Variants in LAMC3 observed in about 807,000 individuals in gnomAD.
The protein encoded by LAMC3 is laminin subunit gamma 3, also known as laminin subunit gamma-3.
LAMC3 carries 128 observed loss-of-function variants against 173.8 expected under a neutral mutation model. That is an observed-to-expected ratio of 0.74 (90% CI 0.64 to 0.85). The LOEUF is 0.85. Among genes scored for constraint, LAMC3 ranks in the 40% least tolerant of loss-of-function variants. The pLI, the probability that LAMC3 is intolerant of heterozygous loss-of-function variation, is 0.00. For missense variants in LAMC3, 2,022 were observed against 2,156.0 expected, an observed-to-expected ratio of 0.94 and a Z score of 1.23; for synonymous variants, 897 against 909.1, an observed-to-expected ratio of 0.99 and a Z score of 0.24.
chr9:131,048,098 C>T (rs111358354), intron 8 of LAMC3, among the ~76,000 whole-genome samples: 21 of 136,480 alleles, frequency 1.5e-4, no homozygotes, highest in African/African-American at 5.2e-4. Flanking sequence ...GCTCTGTCAC[C>T]CAGGCTGGAG....
At chr9:131,034,211 C>T (rs542824229) in intron 3 of LAMC3, among the ~76,000 whole-genome samples, 19 of 152,296 alleles carry the variant, frequency 1.2e-4, no homozygotes, top group African/African-American at 4.6e-4. Context: ...TGGAGTCTCA[C>T]TCTCCTTTCC....
At chr9:131,079,069 C>T in intron 22 of LAMC3, 80 bp from the exon 23 acceptor site, 4 of 1,548,744 alleles carry the variant, frequency 2.6e-6, no homozygotes, top group Non-Finnish European at 3.5e-6. Flanking sequence ...CTCAGCCCAG[C>T]AGGGCACCTC....
rs1422573206 is a variant in LAMC3 at position 131,091,845 on chromosome 9, G to T, written c.*58G>T. The stretch of plus-strand genomic sequence containing the variant: ...ACCTGCTGTTTACATGACCCAGGGG[G>T]TGCACACTACCCCACAGGTGTGCCC... On this transcript the variant is annotated 3_prime_UTR_variant, in exon 28 of 28. Coordinates refer to ENST00000361069, the MANE Select transcript of LAMC3 (RefSeq NM_006059.4). 1 of 1,597,602 alleles carries T rather than the reference G, an allele frequency of 6.3e-7. No individual in the cohort carries two copies. The highest frequency in any genetic ancestry group is 1.1e-5 in the South Asian group (1 of 90,302).
At chr9:131,076,962 A>G (rs1311532978) in intron 21 of LAMC3, among the ~76,000 whole-genome samples, 3 of 152,264 alleles carry the variant, frequency 2.0e-5, no homozygotes, top group Admixed American at 1.3e-4. Flanking sequence ...GCTGAGCTGA[A>G]TGATGCAGAA....
chr9:131,073,071 A>C (rs563817176), intron 19 of LAMC3, among the ~76,000 whole-genome samples, 174 bp from the exon 20 acceptor site: 1 of 152,192 alleles, frequency 6.6e-6, no homozygotes, highest in East Asian at 1.9e-4. Flanking sequence ...CTGCATCCTT[A>C]TTGGTGTTTC....
intron 14 of LAMC3, 102 bp downstream of exon 14, chr9:131,067,307 C>G (rs1281375026): frequency 1.4e-6 from 2 of 1,472,846 alleles, no homozygotes; most frequent in South Asian, 1.1e-5. Context: ...CCACCAGAAC[C>G]AGCTGGCTCC....
chr9:131,012,551 G>A (rs869937), intron 1 of LAMC3, among the ~76,000 whole-genome samples: 41,424 of 152,258 alleles, frequency 0.27, 6,600 homozygotes, highest in East Asian at 0.63. Context: ...CTCTGTTTAC[G>A]CACAAGGGGC....
intron 8 of LAMC3, among the ~76,000 whole-genome samples, chr9:131,047,897 ATTATTTTTAT>A (rs1432861880): frequency 4.1e-5 from 6 of 145,758 alleles, no homozygotes; most frequent in Non-Finnish European, 6.0e-5. Flanking sequence ...TTAAATTTTT[ATTATTTTTAT>A]TTATTTTTAT....
At chr9:131,030,674 G>T (rs1195963031) in intron 2 of LAMC3, among the ~76,000 whole-genome samples, 1 of 152,222 alleles carries the variant, frequency 6.6e-6, no homozygotes. Flanking sequence ...TACAATATGT[G>T]TCAGTAGCCG....
intron 12 of LAMC3, among the ~76,000 whole-genome samples, chr9:131,057,578 G>A (rs371835027): frequency 3.3e-5 from 5 of 152,218 alleles, no homozygotes; most frequent in African/African-American, 1.2e-4. Flanking sequence ...TCACACAGGT[G>A]ACAGCAGCTC....
At chr9:131,061,919 C>T (rs1436531659) in intron 13 of LAMC3, among the ~76,000 whole-genome samples, 1 of 151,984 alleles carries the variant, frequency 6.6e-6, no homozygotes, top group East Asian at 1.9e-4. Flanking sequence ...GGTGTGGTGG[C>T]ATGCACCTGT....
chr9:131,025,446 A>G (rs1450298434), intron 1 of LAMC3, among the ~76,000 whole-genome samples: 1 of 152,054 alleles, frequency 6.6e-6, no homozygotes, highest in African/African-American at 2.4e-5. Flanking sequence ...AAGCCTGCAG[A>G]TCCTCCAGCT....
chr9:131,023,397 C>T (rs764551683), intron 1 of LAMC3, among the ~76,000 whole-genome samples: 3 of 152,162 alleles, frequency 2.0e-5, no homozygotes, highest in Non-Finnish European at 4.4e-5. Context: ...TTCCCATCAG[C>T]AGTCTATGAG....
Position 131,077,143 on chromosome 9 carries a change from G to A in LAMC3, c.3630-44G>A, listed in dbSNP as rs374105866. 83 of 1,610,100 alleles carry A rather than the reference G, an allele frequency of 5.2e-5. No homozygotes were observed. In the African/African-American group the frequency reaches 8.1e-4, roughly 16 times the overall value. On this transcript the variant is annotated intron_variant, in intron 21 of 27. Transcript: ENST00000361069. ...CCTGGGGCCCAGACAGGGATGGGGA[G>A]GGCTAGTTCTGCACCCAGCTCCGTG... is the stretch of plus-strand genomic sequence containing the variant.
intron 9 of LAMC3, among the ~76,000 whole-genome samples, chr9:131,050,674 A>G (rs1271059683): frequency 1.3e-5 from 2 of 152,116 alleles, no homozygotes; most frequent in Non-Finnish European, 2.9e-5. Context: ...AGGCTGAGAC[A>G]GGAGAATTGC....
At chr9:131,079,047 C>A in intron 22 of LAMC3, 102 bp from the exon 23 acceptor site, 1 of 1,451,570 alleles carries the variant, frequency 6.9e-7, no homozygotes, top group East Asian at 2.5e-5. Context: ...CAGCCAGGGG[C>A]AGACCCGCCG....
rs533841504 is a variant in LAMC3, at chr9:131,051,521, G to A, written c.1631-970G>A. Among the ~76,000 whole-genome samples, 25 of 152,026 alleles carry A rather than the reference G, an allele frequency of 1.6e-4. No homozygotes were observed. In the South Asian group the frequency reaches 5.2e-3, roughly 32 times the overall value. Reference sequence around the variant, plus strand: ...TGGGATTACAGGCACCCACCACCATGCCCGGCTAATTTTTTGTATTTTTAC... The same window carrying A: ...TGGGATTACAGGCACCCACCACCATACCCGGCTAATTTTTTGTATTTTTAC... On this transcript the variant is annotated intron_variant, in intron 9 of 27. Transcript: ENST00000361069.
chr9:131,039,477 G>A (rs963733160), intron 6 of LAMC3, among the ~76,000 whole-genome samples: 3 of 152,128 alleles, frequency 2.0e-5, no homozygotes, highest in Non-Finnish European at 2.9e-5. Flanking sequence ...TCTTGCAGGT[G>A]GAGGGCAGGC....
chr9:131,039,063 TC>T lies in LAMC3; in HGVS notation c.1165+13del, dbSNP rs754755630. ...ACTGCCAGTCGGCAGGTGAGTGGAC[TC>T]CACATCCCCAGCCTCCGACCCTCTC... is the stretch of plus-strand genomic sequence containing the variant. On this transcript the variant is annotated intron_variant, in intron 5 of 27. Transcript: ENST00000361069. The T allele has an allele frequency of 6.2e-7, 1 of 1,612,838 alleles. No homozygotes were observed. Among genetic ancestry groups the T allele is most frequent in the African/African-American group, 1.3e-5 (1 of 74,900 alleles).
Sources: gnomAD v4.1 joint callset for allele counts (sites outside exome capture counted in the v4.1 genomes callset) on GRCh38, gnomAD v4.1.1 for gene constraint, MANE v1.5 for transcripts, NCBI Gene and HGNC (gene_info 2026-07-23, HGNC 2026-07-21) for gene names.